TMEM182: variants seen among roughly 807,000 people sequenced by gnomAD.
TMEM182 encodes the protein transmembrane protein 182.
In TMEM182, 20 loss-of-function variants were observed where a neutral mutation model predicts 26.8. The ratio of observed to expected loss-of-function variants is 0.75; its 90% CI spans 0.53 to 1.09. The LOEUF (loss-of-function observed/expected upper bound fraction) is 1.09, where lower values mean the gene tolerates loss of function less well. TMEM182 is among the 50% of genes least tolerant of loss of function. The pLI, the probability that TMEM182 is intolerant of heterozygous loss-of-function variation, is 0.00. For synonymous variants in TMEM182, 109 were observed against 102.2 expected, an observed-to-expected ratio of 1.07 and a Z score of -0.40; for missense variants, 277 against 275.5, an observed-to-expected ratio of 1.01 and a Z score of -0.04.
chr2:102,812,139 T>C (rs1682576629), intron 4 of TMEM182, among the ~76,000 whole-genome samples: 1 of 152,212 alleles, frequency 6.6e-6, no homozygotes. Flanking sequence ...GTAGGGTTTA[T>C]TTTAGCTTTC....
chr2:102,806,439 G>A (rs2104744653), intron 4 of TMEM182, among the ~76,000 whole-genome samples: 1 of 152,270 alleles, frequency 6.6e-6, no homozygotes, highest in African/African-American at 2.4e-5. Context: ...GGTGACTGGT[G>A]CCACCTCGTG....
chr2:102,786,715 A>T (rs942826919), intron 3 of TMEM182, among the ~76,000 whole-genome samples: 1 of 152,032 alleles, frequency 6.6e-6, no homozygotes, highest in African/African-American at 2.4e-5. Context: ...TGAATATCTC[A>T]TTAACCTTGG....
At chr2:102,737,309 A>T (rs1679381797) in intron 1 of TMEM182, among the ~76,000 whole-genome samples, 1 of 152,236 alleles carries the variant, frequency 6.6e-6, no homozygotes, top group Non-Finnish European at 1.5e-5. Flanking sequence ...AATTCTACAC[A>T]TGCTTCTTAA....
chr2:102,808,154 C>A (rs546637949), intron 4 of TMEM182, among the ~76,000 whole-genome samples: 7 of 152,128 alleles, frequency 4.6e-5, no homozygotes, highest in African/African-American at 1.7e-4. Flanking sequence ...AATTTTTGAC[C>A]CCCTAAATTA....
rs571842295 is a variant in TMEM182, at chr2:102,742,973, AAATT to A, written c.-83+5962_-83+5965del. On this transcript the variant is annotated intron_variant, in intron 1 of 5. Coordinates refer to the TMEM182 transcript ENST00000409173. ...ATAGATCAGAAACTTGAAACTACATAAATTAGTGAACAGTGTCAGAAAAGGAATC... is the reference window on the plus strand; with the variant it reads ...ATAGATCAGAAACTTGAAACTACATAAGTGAACAGTGTCAGAAAAGGAATC... Among the ~76,000 whole-genome samples, 1,184 of 152,328 alleles carry A rather than the reference AAATT, an allele frequency of 7.8e-3. 7 individuals are homozygous for A. Among genetic ancestry groups the A allele is most frequent in the Non-Finnish European group, 0.013 (868 of 68,020 alleles).
At chr2:102,794,695 T>C (rs1012924186) in intron 3 of TMEM182, among the ~76,000 whole-genome samples, 1 of 152,244 alleles carries the variant, frequency 6.6e-6, no homozygotes, top group Non-Finnish European at 1.5e-5. Context: ...TTTTATGTAA[T>C]GATTTTTTCC....
At chr2:102,762,519 A>C in intron 1 of TMEM182, 68 bp from the exon 2 acceptor site, 2 of 1,553,772 alleles carry the variant, frequency 1.3e-6, no homozygotes, top group South Asian at 1.2e-5. Flanking sequence ...TTAAAAATTT[A>C]CTGGCTGTAA....
upstream of TMEM182, among the ~76,000 whole-genome samples, chr2:102,761,172 A>G (rs1189212026): frequency 2.0e-5 from 3 of 152,228 alleles, no homozygotes; most frequent in African/African-American, 7.2e-5. Flanking sequence ...CTCCTCTGGC[A>G]TATCAGACAG....
intron 4 of TMEM182, among the ~76,000 whole-genome samples, chr2:102,807,494 AAC>A (rs1346353627): frequency 6.6e-6 from 1 of 152,256 alleles, no homozygotes; most frequent in Non-Finnish European, 1.5e-5. Flanking sequence ...ATTTTTCAAA[AAC>A]ACAATTTTAA....
intron 3 of TMEM182, among the ~76,000 whole-genome samples, chr2:102,791,522 C>T (rs932372503): frequency 2.0e-5 from 3 of 152,256 alleles, no homozygotes; most frequent in East Asian, 3.9e-4. Context: ...ACTGATTGGC[C>T]GCCATCCTCA....
At chr2:102,793,709 C>A (rs1681744213) in intron 3 of TMEM182, among the ~76,000 whole-genome samples, 1 of 152,140 alleles carries the variant, frequency 6.6e-6, no homozygotes. Flanking sequence ...TATTGTTTTA[C>A]AATTTGTATG....
chr2:102,745,591 A>T (rs57254878), intron 1 of TMEM182, among the ~76,000 whole-genome samples: 1,852 of 152,136 alleles, frequency 0.012, 34 homozygotes, highest in African/African-American at 0.04. Context: ...GAATGTTTTA[A>T]TCCCTGCCCC....
intron 3 of TMEM182, among the ~76,000 whole-genome samples, chr2:102,785,020 A>G (rs563320358): frequency 6.6e-6 from 1 of 152,268 alleles, no homozygotes; most frequent in African/African-American, 2.4e-5. Flanking sequence ...CCAGCTCGAG[A>G]TGGAGTTGCT....
intron 3 of TMEM182, among the ~76,000 whole-genome samples, chr2:102,834,962 A>G (rs1683218222): frequency 6.6e-6 from 1 of 152,196 alleles, no homozygotes; most frequent in Non-Finnish European, 1.5e-5. Flanking sequence ...AACACCTCCT[A>G]GATGAGGACT....
At chr2:102,833,163 G>C (rs1450075337) in intron 3 of TMEM182, among the ~76,000 whole-genome samples, 1 of 152,186 alleles carries the variant, frequency 6.6e-6, no homozygotes, top group Non-Finnish European at 1.5e-5. Flanking sequence ...GGAGGTTGGA[G>C]GAGGAGTGGT....
At chr2:102,800,822 TG>T in intron 4 of TMEM182, among the ~76,000 whole-genome samples, 1 of 147,048 alleles carries the variant, frequency 6.8e-6, no homozygotes, top group Non-Finnish European at 1.5e-5. Context: ...TGTGTGTGTG[TG>T]TGTGTGTGTG....
rs1680235031 is a variant in TMEM182, at chr2:102,762,115, T to A, written c.-103T>A. 9.5e-7 allele frequency: 1 copy of A among 1,049,118 alleles called. No individual in the cohort carries two copies. The allele number at this position is 1,049,118 out of a possible 1,614,324, so 65.0% of individuals were successfully genotyped here. On this transcript the variant is annotated 5_prime_UTR_variant, in exon 1 of 5. Transcript: ENST00000412401. ...CAAGAAGATTCTGCCAACTCAAAAA[T>A]ATTATTCTTTTTTTTTTTTTTTTGC...
intron 1 of TMEM182, among the ~76,000 whole-genome samples, chr2:102,751,707 A>G (rs1679881805): frequency 6.6e-6 from 1 of 152,096 alleles, no homozygotes; most frequent in Non-Finnish European, 1.5e-5. Context: ...TTTTAGAGAC[A>G]GGGTCTCACT....
At chr2:102,745,195 GTTTAGTCTGATGATAAAAC>G (rs1183877031) in intron 1 of TMEM182, among the ~76,000 whole-genome samples, 5 of 151,210 alleles carry the variant, frequency 3.3e-5, no homozygotes, top group Non-Finnish European at 5.9e-5. Context: ...CCTTGGCTGT[GTTTAGTCTGATGATAAAAC>G]TGTGAAAGAC....
Sources: allele counts gnomAD v4.1 joint callset (sites outside exome capture counted in the v4.1 genomes callset), GRCh38; gene constraint gnomAD v4.1.1; transcripts MANE v1.5; gene names NCBI Gene and HGNC (gene_info 2026-07-23, HGNC 2026-07-21).